The following CCDC88C variants were observed in gnomAD, a reference collection of about 807,000 sequenced individuals.
CCDC88C encodes the protein protein Daple.
Under a neutral mutation model 198.8 loss-of-function variants are expected in CCDC88C, and 131 were observed. That is an observed-to-expected ratio of 0.66 (90% CI 0.57 to 0.76). CCDC88C has a LOEUF of 0.76. Among genes scored for constraint, CCDC88C ranks in the 30% least tolerant of loss-of-function variants. The probability of loss-of-function intolerance (pLI) is 0.00; values close to 1 mark genes in which losing one functional copy is unlikely to be tolerated. For missense variants in CCDC88C, 2,553 were observed against 2,631.6 expected (o/e 0.97, Z 0.65); for synonymous variants, 1,166 against 1,114.7 (o/e 1.05, Z -0.92).
chr14:91,374,646 C>G (rs769855335), intron 3 of CCDC88C, among the ~76,000 whole-genome samples: 2 of 152,236 alleles, frequency 1.3e-5, no homozygotes, highest in Admixed American at 1.3e-4. Flanking sequence ...TGCAGTCCTG[C>G]TGAGCACAGA....
rs1384173399 is a variant in CCDC88C at position 91,338,115 on chromosome 14, C to T, written c.940G>A (p.Glu314Lys). The change falls in exon 10 of 30, where the codon GAG (glutamate) becomes AAG (lysine). Residue 314 changes from glutamate (E) to lysine (K), a missense_variant. By Grantham distance (56) the Glu-to-Lys change is moderately conservative. Transcript: ENST00000389857. This position sits in a 1 kb window ranked among gnomAD's most constrained non-coding sequence, Gnocchi z 4.8. ...GCCTTCTCCCGCAGGGAATCCAGCT[C>T]GTCTCGATAGGCACGAGCAGACCGG... ...DARSARAYRD[E>K]LDSLREKANR... The T allele has an allele frequency of 6.8e-6, 11 of 1,613,828 alleles. No homozygotes were observed. Among genetic ancestry groups the T allele is most frequent in the Admixed American group, 1.7e-5 (1 of 60,010 alleles).
intron 10 of CCDC88C, among the ~76,000 whole-genome samples, chr14:91,326,658 ATT>A (rs1555421467): frequency 4.6e-5 from 7 of 152,202 alleles, no homozygotes; most frequent in Non-Finnish European, 1.5e-5. Flanking sequence ...CCCTGAGCCC[ATT>A]TCCTTAACAA....
At chr14:91,278,638 A>T in intron 28 of CCDC88C, among the ~76,000 whole-genome samples, 1 of 152,204 alleles carries the variant, frequency 6.6e-6, no homozygotes, top group East Asian at 1.9e-4. Flanking sequence ...CTGTGGCCAC[A>T]GTAGAATGGA....
chr14:91,329,650 A>C (rs1282615870), intron 10 of CCDC88C, among the ~76,000 whole-genome samples: 3 of 152,242 alleles, frequency 2.0e-5, no homozygotes, highest in Non-Finnish European at 4.4e-5. Flanking sequence ...CCCCCTGCTT[A>C]GCAACTGCCA....
intron 3 of CCDC88C, among the ~76,000 whole-genome samples, chr14:91,366,168 AC>A (rs1409518511): frequency 2.3e-5 from 3 of 132,944 alleles, no homozygotes; most frequent in African/African-American, 1.2e-4. Context: ...ACACACACAC[AC>A]ACACACACAC....
chr14:91,293,577 CCTGT>C lies in CCDC88C; in HGVS notation c.4112+592_4112+595del, dbSNP rs1417223952. On this transcript the variant is annotated intron_variant, in intron 23 of 29. Transcript: ENST00000389857. Reference sequence around the variant, plus strand: ...CCCCTCGCCTGCCACGGCCCACCTTCCTGTCCCCTCGCCTGCCATGGCCCACCTC... The same window carrying C: ...CCCCTCGCCTGCCACGGCCCACCTTCCCCCTCGCCTGCCATGGCCCACCTC... Among the ~76,000 whole-genome samples the C allele has an allele frequency of 3.2e-4, 40 of 126,458 alleles. 1 individual carries two copies. The highest frequency in any genetic ancestry group is 5.4e-4 in the Non-Finnish European group (32 of 58,728). 83.0% of individuals were successfully genotyped at this position (126,458 alleles called of 152,430 possible). A position where few individuals can be genotyped will look rare whatever the true frequency, so the allele number is the denominator to read the frequency against.
chr14:91,281,555 G>T, intron 26 of CCDC88C, 30 bp from the exon 27 acceptor site: 3 of 1,607,186 alleles, frequency 1.9e-6, no homozygotes, highest in South Asian at 2.2e-5. Flanking sequence ...AGTGAGTCAT[G>T]GTTACGGAAC....
chr14:91,365,480 G>A (rs1279320789), intron 3 of CCDC88C, among the ~76,000 whole-genome samples: 2 of 152,146 alleles, frequency 1.3e-5, no homozygotes, highest in African/African-American at 2.4e-5. Flanking sequence ...ACTGTTAGGG[G>A]GACAGGCCGC....
chr14:91,345,190 A>ATATATATATTTT (rs1246878587), intron 4 of CCDC88C, among the ~76,000 whole-genome samples: 7 of 52,198 alleles, frequency 1.3e-4, no homozygotes, highest in African/African-American at 5.5e-4. Flanking sequence ...ATATATATAT[A>ATATATATATTTT]TTTTTTTTTT....
At chr14:91,371,000 G>A (rs376934534) in intron 3 of CCDC88C, among the ~76,000 whole-genome samples, 2 of 152,164 alleles carry the variant, frequency 1.3e-5, no homozygotes, top group East Asian at 1.9e-4. Flanking sequence ...GCCATGCCCT[G>A]AGGTGTGTGT....
intron 3 of CCDC88C, among the ~76,000 whole-genome samples, chr14:91,394,239 C>T (rs1235192026): frequency 6.6e-6 from 1 of 152,208 alleles, no homozygotes; most frequent in African/African-American, 2.4e-5. Context: ...ATCAACAAAG[C>T]AAACACCACA....
chr14:91,410,901 C>G (rs777867522), intron 2 of CCDC88C, among the ~76,000 whole-genome samples: 1 of 152,182 alleles, frequency 6.6e-6, no homozygotes, highest in Non-Finnish European at 1.5e-5. Flanking sequence ...CCTCAGTATA[C>G]ATCGTGGACA....
At chr14:91,362,764 C>T (rs1894367004) in intron 3 of CCDC88C, among the ~76,000 whole-genome samples, 2 of 151,974 alleles carry the variant, frequency 1.3e-5, no homozygotes, top group Non-Finnish European at 2.9e-5. Flanking sequence ...CCGATCTCTA[C>T]TAAATATACA....
chr14:91,368,487 A>G (rs1389149922), intron 3 of CCDC88C, among the ~76,000 whole-genome samples: 1 of 152,260 alleles, frequency 6.6e-6, no homozygotes, highest in Non-Finnish European at 1.5e-5. Context: ...CAAATGCAAT[A>G]GTTTTATGAG....
chr14:91,338,503 T>C lies in CCDC88C; in HGVS notation c.877A>G (p.Lys293Glu). 6.4e-7 allele frequency: 1 copy of C among 1,568,556 alleles called. No homozygotes were observed. Among genetic ancestry groups the C allele is most frequent in the Non-Finnish European group, 8.6e-7 (1 of 1,157,026 alleles). ...EVDQLVLELQKVKQENIQLAA... is the reference protein window; with the variant it reads ...EVDQLVLELQEVKQENIQLAA... ...CCCCGACTCACCTCCTGCTTAACTT[T>C]CTGCAGTTCCAGCACCAGCTGGTCC... The change falls in exon 9 of 30, where the codon AAA becomes GAA. Residue 293 changes from lysine (K) to glutamate (E), a missense_variant. By Grantham distance (56) the Lys-to-Glu change is moderately conservative. This residue lies in a region of CCDC88C where 1,260 missense variants were observed against 1,412.0 expected (regional missense o/e 0.89). Coordinates refer to ENST00000389857, the MANE Select transcript of CCDC88C (RefSeq NM_001080414.4). The surrounding 1 kb of genome is among the most constrained non-coding windows in gnomAD (Gnocchi z 4.8).
At position 91,273,329 on chromosome 14, in the gene CCDC88C, C is replaced by T. The variant is rs866002584; in HGVS notation, c.5383G>A (p.Ala1795Thr). The T allele has an allele frequency of 6.4e-7, 1 of 1,553,194 alleles. No homozygotes were observed. Among genetic ancestry groups the T allele is most frequent in the Admixed American group, 1.9e-5 (1 of 52,092 alleles). The change falls in exon 30 of 30, where the codon GCC (alanine) becomes ACC (threonine). Residue 1795 changes from alanine to threonine, a missense_variant. Ala to Thr is a moderately conservative substitution (Grantham distance 58). This residue lies in a region of CCDC88C where 1,293 missense variants were observed against 1,219.6 expected (regional missense o/e 1.06). Transcript: ENST00000389857. The surrounding 1 kb of genome is among the most constrained non-coding windows in gnomAD (Gnocchi z 5.6). Reference protein sequence around the residue: ...APVPPASHAPASRSASLSRAF... With the variant: ...APVPPASHAPTSRSASLSRAF... ...CGGCTCAAGGAGGCACTGCGGCTGG[C>T]AGGTGCATGGGAAGCTGGGGGCACC... is the stretch of plus-strand genomic sequence containing the variant.
At chr14:91,312,259 C>T (rs894564155) in intron 15 of CCDC88C, among the ~76,000 whole-genome samples, 5 of 151,786 alleles carry the variant, frequency 3.3e-5, no homozygotes, top group African/African-American at 1.2e-4. Flanking sequence ...CGTGATGGTG[C>T]GTGTCTGTAA....
chr14:91,289,188 G>A lies in CCDC88C; in HGVS notation c.4358C>T (p.Ser1453Leu), dbSNP rs1890552619. ...GGGGGTGTCGGGGTTCTCGGCCTGT[G>A]ATCTGAGCGGCTGAGAGGCCGCCGG... ...ASPAASQPLR[S>L]QAENPDTPAL... Residue 1453 changes from serine (S) to leucine (L), a missense_variant, in exon 25 of 30, where the codon TCA becomes TTA. By Grantham distance (145) the Ser-to-Leu change is moderately radical. Transcript: ENST00000389857. 1 of 1,613,994 alleles carries A rather than the reference G, an allele frequency of 6.2e-7. No homozygotes were observed. Among genetic ancestry groups the A allele is most frequent in the African/African-American group, 1.3e-5 (1 of 75,066 alleles).
intron 21 of CCDC88C, among the ~76,000 whole-genome samples, chr14:91,299,545 A>G (rs770253010): frequency 6.6e-6 from 1 of 152,168 alleles, no homozygotes; most frequent in Non-Finnish European, 1.5e-5. Flanking sequence ...GCGGCAAATA[A>G]AACTTTAGCA....
Sources: allele counts gnomAD v4.1 joint callset (sites outside exome capture counted in the v4.1 genomes callset), GRCh38; gene constraint gnomAD v4.1.1; regional missense constraint gnomAD v4.1.1; non-coding constraint Gnocchi (gnomAD v3.1); transcripts MANE v1.5; gene names NCBI Gene and HGNC (gene_info 2026-07-23, HGNC 2026-07-21).